Variants in ADGRL3 observed in about 807,000 individuals in gnomAD.
ADGRL3 encodes calcium-independent alpha-latrotoxin receptor 3.
A neutral mutation model predicts 153.5 loss-of-function variants in ADGRL3; 62 were observed. The observed-to-expected ratio is 0.40, with a 90% CI of 0.33 to 0.50. The LOEUF is 0.50. ADGRL3 is among the 20% of genes least tolerant of loss of function. The pLI, the probability that ADGRL3 is intolerant of heterozygous loss-of-function variation, is 0.47. For synonymous variants in ADGRL3, 710 were observed against 672.5 expected, an observed-to-expected ratio of 1.06 and a Z score of -0.86; for missense variants, 1,641 against 1,859.4, an observed-to-expected ratio of 0.88 and a Z score of 2.16.
intron 4 of ADGRL3, among the ~76,000 whole-genome samples, chr4:61,522,528 G>A (rs950913169): frequency 3.3e-5 from 5 of 152,070 alleles, no homozygotes; most frequent in South Asian, 2.1e-4. Context: ...ATAATTTTAC[G>A]TACGATGATG....
intron 6 of ADGRL3, among the ~76,000 whole-genome samples, chr4:61,724,563 A>G (rs2096293395): frequency 1.3e-5 from 2 of 152,228 alleles, no homozygotes; most frequent in Non-Finnish European, 2.9e-5. Context: ...AACAAATTAT[A>G]TAAAGCCATT....
intron 3 of ADGRL3, among the ~76,000 whole-genome samples, chr4:61,499,199 C>A (rs887797212): frequency 6.6e-6 from 1 of 152,100 alleles, no homozygotes; most frequent in Non-Finnish European, 1.5e-5. Flanking sequence ...CTTCCTTTGA[C>A]GTTTTCCTCT....
chr4:62,003,225 T>C (rs1345421177), intron 21 of ADGRL3, among the ~76,000 whole-genome samples: 3 of 152,132 alleles, frequency 2.0e-5, no homozygotes, highest in Admixed American at 1.3e-4. Context: ...TAAAGACTTA[T>C]GATGTCACCG....
In ADGRL3 at chr4:61,891,472, A is replaced by G. The variant is rs144366602; in HGVS notation, c.1481-1184A>G. Among the ~76,000 whole-genome samples, 507 of 152,324 alleles carry G rather than the reference A, an allele frequency of 3.3e-3. 6 individuals are homozygous for G. The highest frequency in any genetic ancestry group is 0.012 in the African/African-American group (480 of 41,580). Reference sequence around the variant, plus strand: ...AATAGACAGCATCACTTCAAAAAATACTACAATTTCAGTGATGAAATATTC... The same window carrying G: ...AATAGACAGCATCACTTCAAAAAATGCTACAATTTCAGTGATGAAATATTC... On this transcript the variant is annotated intron_variant, in intron 9 of 26. Coordinates refer to ENST00000683033, the MANE Select transcript of ADGRL3 (RefSeq NM_001387552.1).
intron 8 of ADGRL3, among the ~76,000 whole-genome samples, chr4:61,762,426 G>C (rs2096924087): frequency 6.6e-6 from 1 of 151,942 alleles, no homozygotes; most frequent in Non-Finnish European, 1.5e-5. Context: ...GATTTTCCAG[G>C]GGTGCTCTGG....
At chr4:61,791,300 T>A (rs2097338984) in intron 8 of ADGRL3, among the ~76,000 whole-genome samples, 1 of 152,162 alleles carries the variant, frequency 6.6e-6, no homozygotes, top group South Asian at 2.1e-4. Flanking sequence ...CCAAATGGGA[T>A]AAACTGGCAA....
At chr4:61,765,073 G>C (rs1007369773) in intron 8 of ADGRL3, among the ~76,000 whole-genome samples, 1 of 152,110 alleles carries the variant, frequency 6.6e-6, no homozygotes, top group South Asian at 2.1e-4. Context: ...ATTCAGCATA[G>C]TCCTGCCAGC....
chr4:61,661,030 G>A (rs2094578268), intron 5 of ADGRL3, among the ~76,000 whole-genome samples: 2 of 151,956 alleles, frequency 1.3e-5, no homozygotes, highest in South Asian at 4.1e-4. Flanking sequence ...TGGGTTATAT[G>A]TTGTGTTGCC....
chr4:61,271,957 A>G (rs1173503242), intron 1 of ADGRL3, among the ~76,000 whole-genome samples: 1 of 152,044 alleles, frequency 6.6e-6, no homozygotes, highest in East Asian at 1.9e-4. Context: ...GTAGTTCTTT[A>G]ACAAAGATCT....
At chr4:61,421,779 T>C (rs1213589689) in intron 2 of ADGRL3, among the ~76,000 whole-genome samples, 1 of 152,194 alleles carries the variant, frequency 6.6e-6, no homozygotes, top group Non-Finnish European at 1.5e-5. Flanking sequence ...CAGATAGTTC[T>C]ATGGATACAA....
At chr4:61,990,769 A>G (rs562183134) in intron 19 of ADGRL3, among the ~76,000 whole-genome samples, 2 of 151,758 alleles carry the variant, frequency 1.3e-5, no homozygotes, top group Non-Finnish European at 2.9e-5. Context: ...AACTTATATC[A>G]TTATTCTCTG....
intron 8 of ADGRL3, among the ~76,000 whole-genome samples, chr4:61,757,871 G>T (rs368199700): frequency 6.6e-6 from 1 of 152,032 alleles, no homozygotes; most frequent in Non-Finnish European, 1.5e-5. Context: ...CCTTCATTTC[G>T]TTATGTACCC....
At chr4:61,822,416 C>G (rs1358408395) in intron 9 of ADGRL3, among the ~76,000 whole-genome samples, 1 of 152,068 alleles carries the variant, frequency 6.6e-6, no homozygotes, top group Non-Finnish European at 1.5e-5. Flanking sequence ...CTTTTTTATT[C>G]AGACTTAATG....
At chr4:61,973,048 G>T (rs1239219191) in intron 17 of ADGRL3, among the ~76,000 whole-genome samples, 1 of 151,358 alleles carries the variant, frequency 6.6e-6, no homozygotes, top group Admixed American at 6.6e-5. Flanking sequence ...CAATTAATTT[G>T]TATAGTTTGT....
At chr4:61,706,282 C>T (rs1377309084) in intron 6 of ADGRL3, among the ~76,000 whole-genome samples, 1 of 151,910 alleles carries the variant, frequency 6.6e-6, no homozygotes, top group Non-Finnish European at 1.5e-5. Flanking sequence ...ACTAGCTGGG[C>T]GTGGTGGCAC....
At position 61,735,405 on chromosome 4, in the gene ADGRL3, A is replaced by G. The variant is rs187955376; in HGVS notation, c.1399+1851A>G. Among the ~76,000 whole-genome samples the G allele has an allele frequency of 7.9e-5, 12 of 152,316 alleles. No homozygotes were observed. The East Asian group carries it at 2.3e-3, about 29-fold the overall frequency. ...AATAGCAACAAAAGCAATTTCTCCT[A>G]AGTCCTCAACAAAATCTCCTAGACC... On this transcript the variant is annotated intron_variant, in intron 8 of 26. Transcript: ENST00000683033.
At chr4:61,747,842 T>C (rs1386788773) in intron 8 of ADGRL3, among the ~76,000 whole-genome samples, 1 of 151,942 alleles carries the variant, frequency 6.6e-6, no homozygotes, top group Non-Finnish European at 1.5e-5. Context: ...AACATAGTGT[T>C]GGAAGTTCTG....
chr4:61,376,417 G>T (rs2096603538), intron 1 of ADGRL3, among the ~76,000 whole-genome samples: 1 of 151,622 alleles, frequency 6.6e-6, no homozygotes, highest in South Asian at 2.1e-4. Context: ...CTGATAATTT[G>T]AAAGCTATTT....
intron 2 of ADGRL3, among the ~76,000 whole-genome samples, chr4:61,478,900 T>C (rs1257602660): frequency 5.9e-5 from 9 of 152,036 alleles, no homozygotes; most frequent in Admixed American, 5.9e-4. Context: ...GTTTCCATGG[T>C]AAAGAAAAAA....
Sources: allele counts gnomAD v4.1 joint callset (sites outside exome capture counted in the v4.1 genomes callset), GRCh38; gene constraint gnomAD v4.1.1; transcripts MANE v1.5; gene names NCBI Gene and HGNC (gene_info 2026-07-23, HGNC 2026-07-21).